KLF12: variants seen among roughly 807,000 people sequenced by gnomAD.
The protein encoded by KLF12 is KLF transcription factor 12, also known as Krueppel-like factor 12.
KLF12 carries 9 observed loss-of-function variants against 37.8 expected under a neutral mutation model. That is an observed-to-expected ratio of 0.24 (90% CI 0.14 to 0.42). KLF12 has a LOEUF of 0.42. KLF12 is among the 10% of genes least tolerant of loss of function. The pLI is 1.00. For missense variants in KLF12, 411 were observed against 516.0 expected, an observed-to-expected ratio of 0.80 and a Z score of 1.97; for synonymous variants, 208 against 202.1, an observed-to-expected ratio of 1.03 and a Z score of -0.25.
chr13:73,715,553 G>A (rs773271690), intron 6 of KLF12, 28 bp from the exon 7 acceptor site: 7 of 1,608,844 alleles, frequency 4.4e-6, no homozygotes, highest in South Asian at 1.1e-5. Flanking sequence ...GGAGTTACAC[G>A]GTGAGATGCA....
intron 3 of KLF12, among the ~76,000 whole-genome samples, chr13:73,912,528 T>C (rs774785644): frequency 4.6e-5 from 7 of 151,752 alleles, no homozygotes; most frequent in Non-Finnish European, 7.4e-5. Context: ...GAGACAGAGA[T>C]TGGAGTGACA....
Position 73,846,085 on chromosome 13 carries a change from A to G in KLF12, c.412T>C (p.Ser138Pro), listed in dbSNP as rs2138687645. The change falls in exon 4 of 8, where the codon TCT (serine) becomes CCT (proline). Residue 138 changes from serine (S) to proline (P), a missense_variant. Physicochemically the swap from Ser to Pro is moderately conservative, Grantham distance 74. Coordinates refer to ENST00000377669, the MANE Select transcript of KLF12 (RefSeq NM_007249.5). ...CCTGGAGTTAATACTGTTGACGAAG[A>G]TGACGCTGAAGATACTGATGTGATA... 6.2e-7 allele frequency: 1 copy of G among 1,614,122 alleles called. No individual in the cohort carries two copies. The highest frequency in any genetic ancestry group is 8.5e-7 in the Non-Finnish European group (1 of 1,180,006).
At chr13:74,148,473 T>A in the KLF12 span, among the ~76,000 whole-genome samples, 734 of 136,134 alleles carry the variant, frequency 5.4e-3, 5 homozygotes, top group Non-Finnish European at 9.7e-3. Context: ...ACAAATTCAG[T>A]AAGACTTTCA....
the KLF12 span, among the ~76,000 whole-genome samples, chr13:74,149,381 C>G: frequency 9.9e-5 from 15 of 152,280 alleles, no homozygotes; most frequent in African/African-American, 3.6e-4. Context: ...TCTTCTTCAT[C>G]TCAATAAATA....
chr13:74,136,037 A>T (rs574105868), upstream of KLF12, among the ~76,000 whole-genome samples: 5 of 152,204 alleles, frequency 3.3e-5, no homozygotes, highest in East Asian at 9.7e-4. Flanking sequence ...AACCTAGAGG[A>T]GGGGTCCCAC....
At chr13:74,049,450 A>G (rs898669869) in intron 1 of KLF12, among the ~76,000 whole-genome samples, 3 of 152,202 alleles carry the variant, frequency 2.0e-5, no homozygotes, top group Non-Finnish European at 4.4e-5. Flanking sequence ...ACTAGCTCAG[A>G]GCTTTCAGGA....
chr13:73,730,128 C>T (rs942031973), intron 6 of KLF12, among the ~76,000 whole-genome samples: 4 of 152,048 alleles, frequency 2.6e-5, no homozygotes, highest in African/African-American at 7.2e-5. Flanking sequence ...AGACAGATGC[C>T]GAGGGACTCC....
At chr13:74,215,638 A>G in the KLF12 span, among the ~76,000 whole-genome samples, 6 of 152,046 alleles carry the variant, frequency 3.9e-5, no homozygotes, top group Admixed American at 3.9e-4. Context: ...TTTCTTTGGG[A>G]ATCTGGTCAT....
intron 3 of KLF12, among the ~76,000 whole-genome samples, chr13:73,848,513 A>T (rs1003805787): frequency 4.0e-5 from 6 of 149,890 alleles, no homozygotes; most frequent in African/African-American, 1.5e-4. Context: ...GTTGCTATGA[A>T]CAACAGGGTT....
At chr13:74,065,763 G>A (rs1044013051) in intron 1 of KLF12, among the ~76,000 whole-genome samples, 2 of 152,036 alleles carry the variant, frequency 1.3e-5, no homozygotes, top group African/African-American at 4.8e-5. Context: ...TACAAAGTGT[G>A]ACCTGAGGAA....
intron 7 of KLF12, among the ~76,000 whole-genome samples, chr13:73,712,445 T>C (rs1875477664): frequency 6.6e-6 from 1 of 151,464 alleles, no homozygotes; most frequent in Non-Finnish European, 1.5e-5. Flanking sequence ...TTCTTACGGA[T>C]GCGCAAAAAA....
chr13:74,107,498 T>C (rs1056163470), intron 1 of KLF12, among the ~76,000 whole-genome samples: 6 of 152,260 alleles, frequency 3.9e-5, no homozygotes, highest in Admixed American at 1.3e-4. Flanking sequence ...TCTTAGATCA[T>C]TGTATGTTGG....
intron 1 of KLF12, among the ~76,000 whole-genome samples, chr13:74,048,452 T>A (rs1356182639): frequency 6.6e-6 from 1 of 152,202 alleles, no homozygotes; most frequent in African/African-American, 2.4e-5. Context: ...TGAGAACTTT[T>A]AGGCATTAAA....
intron 3 of KLF12, among the ~76,000 whole-genome samples, chr13:73,858,181 A>G (rs2138777686): frequency 6.6e-6 from 1 of 152,308 alleles, no homozygotes; most frequent in South Asian, 2.1e-4. Flanking sequence ...TTTGAGAAAG[A>G]AATCTAAAAG....
chr13:73,817,349 CA>C lies in KLF12; in HGVS notation c.671-4063del, dbSNP rs71199824. Among the ~76,000 whole-genome samples, 1,073 of 132,418 alleles carry C rather than the reference CA, an allele frequency of 8.1e-3. 9 individuals are homozygous for C. Among genetic ancestry groups the C allele is most frequent in the East Asian group, 0.021 (98 of 4,658 alleles). The allele number at this position is 132,418 out of a possible 152,430, so 86.9% of individuals were successfully genotyped here. ...AAAAAGAAAAGAAAAAAAAGAAAAA[CA>C]AAAAAAAAAAAGAAAGAAAAAGACA... On this transcript the variant is annotated intron_variant, in intron 4 of 7. Coordinates refer to ENST00000377669, the MANE Select transcript of KLF12 (RefSeq NM_007249.5).
At chr13:74,068,943 T>C (rs1382142175) in intron 1 of KLF12, among the ~76,000 whole-genome samples, 1 of 152,194 alleles carries the variant, frequency 6.6e-6, no homozygotes, top group African/African-American at 2.4e-5. Context: ...TGACCAACTA[T>C]TGATTCTTAC....
the KLF12 span, among the ~76,000 whole-genome samples, chr13:74,173,538 C>G: frequency 2.6e-5 from 4 of 152,288 alleles, no homozygotes; most frequent in South Asian, 8.3e-4. Context: ...CCCTTTCCAC[C>G]TCAAGGCAGT....
At chr13:74,141,272 G>C in the KLF12 span, among the ~76,000 whole-genome samples, 1 of 152,162 alleles carries the variant, frequency 6.6e-6, no homozygotes, top group East Asian at 1.9e-4. Flanking sequence ...AATTCAGGAG[G>C]ATTCATTTTT....
intron 6 of KLF12, among the ~76,000 whole-genome samples, chr13:73,752,867 C>T (rs1046956737): frequency 6.6e-6 from 1 of 151,632 alleles, no homozygotes; most frequent in Admixed American, 6.6e-5. Flanking sequence ...CAGGTGCCCG[C>T]CACCATCATT....
Sources: gnomAD v4.1 joint callset for allele counts (sites outside exome capture counted in the v4.1 genomes callset) on GRCh38, gnomAD v4.1.1 for gene constraint, MANE v1.5 for transcripts, NCBI Gene and HGNC (gene_info 2026-07-23, HGNC 2026-07-21) for gene names.